Variants in NPAS3 observed in about 807,000 individuals in gnomAD.
NPAS3 encodes neuronal PAS domain-containing protein 3.
NPAS3 carries 14 observed loss-of-function variants against 73.1 expected under a neutral mutation model. The observed-to-expected ratio is 0.19, with a 90% confidence interval of 0.13 to 0.30. The LOEUF is 0.30. Among genes scored for constraint, NPAS3 ranks in the 10% least tolerant of loss-of-function variants. The pLI is 1.00. For synonymous variants in NPAS3, 620 were observed against 541.5 expected (o/e 1.14, Z -2.01); for missense variants, 1,096 against 1,250.0 (o/e 0.88, Z 1.86).
intron 5 of NPAS3, among the ~76,000 whole-genome samples, chr14:33,649,796 G>C (rs1393119286): frequency 4.6e-5 from 7 of 152,160 alleles, no homozygotes; most frequent in African/African-American, 1.7e-4. Context: ...TAAAGGAAAT[G>C]ATGAATACAG....
intron 6 of NPAS3, among the ~76,000 whole-genome samples, chr14:33,705,452 T>C (rs1275840532): frequency 1.3e-5 from 2 of 152,208 alleles, no homozygotes; most frequent in African/African-American, 4.8e-5. Context: ...TGTTCAACAC[T>C]GAATTTATCC....
intron 5 of NPAS3, among the ~76,000 whole-genome samples, chr14:33,627,251 T>C (rs2058247998): frequency 6.6e-6 from 1 of 152,164 alleles, no homozygotes; most frequent in Non-Finnish European, 1.5e-5. Context: ...ATTCCTCATA[T>C]AACGTACAAA....
intron 2 of NPAS3, among the ~76,000 whole-genome samples, chr14:33,169,307 C>A (rs2045296127): frequency 6.6e-6 from 1 of 152,178 alleles, no homozygotes; most frequent in East Asian, 1.9e-4. Context: ...ATGGCTCATG[C>A]CTGTAATCCC....
At chr14:33,183,200 C>G (rs964174951) in intron 2 of NPAS3, among the ~76,000 whole-genome samples, 1 of 151,956 alleles carries the variant, frequency 6.6e-6, no homozygotes, top group Non-Finnish European at 1.5e-5. Context: ...CCGAGGCAGG[C>G]GGATCACTTG....
chr14:33,666,806 T>C (rs570852150), intron 5 of NPAS3, among the ~76,000 whole-genome samples: 1 of 152,350 alleles, frequency 6.6e-6, no homozygotes, highest in Non-Finnish European at 1.5e-5. Flanking sequence ...GATAAATACA[T>C]GATTGACTAA....
At chr14:33,210,945 G>T (rs2047009330) in intron 2 of NPAS3, among the ~76,000 whole-genome samples, 1 of 152,154 alleles carries the variant, frequency 6.6e-6, no homozygotes, top group Non-Finnish European at 1.5e-5. Flanking sequence ...CAGAACCAAG[G>T]AATAGGAATT....
chr14:33,223,657 T>A (rs1325915386), intron 3 of NPAS3, among the ~76,000 whole-genome samples: 1 of 152,206 alleles, frequency 6.6e-6, no homozygotes, highest in Non-Finnish European at 1.5e-5. Context: ...TTAGACTATT[T>A]GAGACTAATA....
chr14:33,762,836 C>CA (rs1261621213), intron 7 of NPAS3, among the ~76,000 whole-genome samples: 1 of 152,154 alleles, frequency 6.6e-6, no homozygotes, highest in Non-Finnish European at 1.5e-5. Context: ...TTTTGAATTG[C>CA]ATATGCTGAA....
intron 1 of NPAS3, among the ~76,000 whole-genome samples, chr14:32,990,908 CAG>C (rs2038305167): frequency 6.6e-6 from 1 of 151,526 alleles, no homozygotes; most frequent in Non-Finnish European, 1.5e-5. Context: ...GCTTGGGTAA[CAG>C]AGATGCCATC....
intron 5 of NPAS3, chr14:33,586,067 G>A (rs960700716): frequency 3.9e-5 from 6 of 151,904 alleles, no homozygotes; most frequent in African/African-American, 4.8e-5. Flanking sequence ...AAGGGAACTA[G>A]GGAGTTATCT....
chr14:33,208,969 A>G (rs959200948), intron 2 of NPAS3, among the ~76,000 whole-genome samples: 5 of 152,166 alleles, frequency 3.3e-5, no homozygotes, highest in African/African-American at 4.8e-5. Context: ...AAATTGGCCT[A>G]TTATACTCTT....
chr14:33,399,068 G>A (rs145427442), intron 4 of NPAS3, among the ~76,000 whole-genome samples: 151 of 152,186 alleles, frequency 9.9e-4, no homozygotes, highest in Middle Eastern at 6.8e-3. Flanking sequence ...GACTATTATT[G>A]AGGTTGGTTA....
intron 1 of NPAS3, among the ~76,000 whole-genome samples, chr14:33,000,609 A>C (rs1276164781): frequency 6.6e-6 from 1 of 152,244 alleles, no homozygotes; most frequent in Non-Finnish European, 1.5e-5. Context: ...ATTACAAAGG[A>C]AATAGGAAAC....
chr14:33,314,240 A>G (rs1210919035), intron 3 of NPAS3, among the ~76,000 whole-genome samples: 1 of 152,072 alleles, frequency 6.6e-6, no homozygotes, highest in Non-Finnish European at 1.5e-5. Context: ...TTTGTTATAA[A>G]TATTTATTGT....
At chr14:33,797,338 T>C (rs1324837590) in intron 10 of NPAS3, 119 bp from the exon 11 acceptor site, 7 of 1,094,648 alleles carry the variant, frequency 6.4e-6, no homozygotes, top group Non-Finnish European at 9.3e-6. Flanking sequence ...ATTTCATGTT[T>C]AGTCTTTGAA....
chr14:33,099,338 C>T (rs1243972915), intron 2 of NPAS3, among the ~76,000 whole-genome samples: 1 of 152,122 alleles, frequency 6.6e-6, no homozygotes, highest in African/African-American at 2.4e-5. Flanking sequence ...ACTATGGTAC[C>T]ATCTTTGCGT....
intron 6 of NPAS3, among the ~76,000 whole-genome samples, chr14:33,728,842 C>A (rs947284255): frequency 6.6e-6 from 1 of 152,186 alleles, no homozygotes; most frequent in Non-Finnish European, 1.5e-5. Context: ...GAAAACACTT[C>A]CTTAGAGATG....
At chr14:33,059,943 G>C (rs376645008) in intron 2 of NPAS3, among the ~76,000 whole-genome samples, 1 of 151,862 alleles carries the variant, frequency 6.6e-6, no homozygotes, top group Admixed American at 6.6e-5. Flanking sequence ...CCCATGTCTG[G>C]CTTTTTTGTT....
intron 2 of NPAS3, among the ~76,000 whole-genome samples, chr14:33,129,492 A>G (rs1248519146): frequency 3.3e-5 from 5 of 152,126 alleles, no homozygotes; most frequent in Admixed American, 2.6e-4. Context: ...TGTCATTTTT[A>G]TACTCACTGA....
Sources: allele counts gnomAD v4.1 joint callset (sites outside exome capture counted in the v4.1 genomes callset), GRCh38; gene constraint gnomAD v4.1.1; transcripts MANE v1.5; gene names NCBI Gene and HGNC (gene_info 2026-07-23, HGNC 2026-07-21).